CLDN16: variants seen among roughly 807,000 people sequenced by gnomAD.
The protein encoded by CLDN16 is claudin 16.
CLDN16 carries 13 observed loss-of-function variants against 24.6 expected under a neutral mutation model. That is an observed-to-expected ratio of 0.53 (90% confidence interval 0.34 to 0.84). The LOEUF is 0.84. Among genes scored for constraint, CLDN16 ranks in the 40% least tolerant of loss-of-function variants. CLDN16 has a pLI of 0.01. For missense variants in CLDN16, 298 were observed against 292.7 expected (o/e 1.02, Z -0.13); for synonymous variants, 116 against 106.7 (o/e 1.09, Z -0.54).
chr3:190,370,808 T>C (rs1409536916), intron 1 of CLDN16: 2 of 151,734 alleles, frequency 1.3e-5, no homozygotes, highest in Admixed American at 6.6e-5. Flanking sequence ...CAGCTGCCAG[T>C]GTGGCCAGAA....
At chr3:190,344,936 G>A (rs1201091194) in intron 1 of CLDN16, among the ~76,000 whole-genome samples, 3 of 151,892 alleles carry the variant, frequency 2.0e-5, no homozygotes. Context: ...TTACCCAGAA[G>A]TGTAAATAAA....
intron 1 of CLDN16, among the ~76,000 whole-genome samples, chr3:190,367,740 GT>G (rs377113320): frequency 4.0e-4 from 61 of 152,018 alleles, no homozygotes; most frequent in African/African-American, 1.4e-3. Context: ...AGTAGAATAT[GT>G]TTTATGCACT....
At chr3:190,351,530 C>A (rs1041199496) in intron 1 of CLDN16, among the ~76,000 whole-genome samples, 1 of 152,122 alleles carries the variant, frequency 6.6e-6, no homozygotes, top group Non-Finnish European at 1.5e-5. Context: ...AATATTTAAA[C>A]AAACCAGTGA....
chr3:190,333,573 TC>T (rs1717231557), intron 1 of CLDN16, among the ~76,000 whole-genome samples: 1 of 73,246 alleles, frequency 1.4e-5, no homozygotes, highest in African/African-American at 5.7e-5. Flanking sequence ...TATCTATCTA[TC>T]TATCTATCAA....
rs1475190779 is a variant in CLDN16 at position 190,363,594 on chromosome 3, A to T, written n.122-7299A>T. Among the ~76,000 whole-genome samples, 6 of 133,204 alleles carry T rather than the reference A, an allele frequency of 4.5e-5. 1 individual carries two copies. The South Asian group carries it at 6.9e-4, about 15-fold the overall frequency. 87.4% of individuals were successfully genotyped at this position (133,204 alleles called of 152,430 possible). On this transcript the variant is annotated intron_variant and non_coding_transcript_variant, in intron 1 of 4. Transcript: ENST00000468220. ...TATATATATATATATATATATATAT[A>T]TATTTTCTTTCTCCTGTCTGGCAAT...
chr3:190,380,269 C>CCTTCCTTCCTTCCTTT (rs1718342807), intron 3 of CLDN16, among the ~76,000 whole-genome samples: 5 of 84,852 alleles, frequency 5.9e-5, no homozygotes, highest in East Asian at 4.1e-4. Context: ...TTCCTTCCTT[C>CCTTCCTTCCTTCCTTT]CTTCTGTTTT....
the CLDN16 span, among the ~76,000 whole-genome samples, chr3:190,311,768 A>C: frequency 6.6e-6 from 1 of 151,238 alleles, no homozygotes; most frequent in Non-Finnish European, 1.5e-5. Flanking sequence ...ATACACACAG[A>C]GAGATTGCAT....
At chr3:190,357,820 C>T (rs1026734805) in intron 1 of CLDN16, among the ~76,000 whole-genome samples, 15 of 151,906 alleles carry the variant, frequency 9.9e-5, no homozygotes, top group Non-Finnish European at 1.6e-4. Flanking sequence ...GGGTCTGTAT[C>T]GGTTACATTT....
intron 1 of CLDN16, among the ~76,000 whole-genome samples, chr3:190,390,444 G>C (rs1048035671): frequency 1.3e-5 from 2 of 152,280 alleles, no homozygotes; most frequent in East Asian, 3.9e-4. Context: ...TGAGGCAGGA[G>C]AATCGCTTGA....
intron 1 of CLDN16, among the ~76,000 whole-genome samples, chr3:190,323,068 C>T (rs140263704): frequency 1.2e-4 from 18 of 151,080 alleles, no homozygotes; most frequent in African/African-American, 4.4e-4. Context: ...ACTTGGCTCC[C>T]CTCCCAATCT....
chr3:190,371,890 A>G (rs1203300216), intron 2 of CLDN16, among the ~76,000 whole-genome samples: 1 of 151,928 alleles, frequency 6.6e-6, no homozygotes, highest in Non-Finnish European at 1.5e-5. Context: ...AAGCCCACAT[A>G]TCTGCTGTCC....
intron 3 of CLDN16, among the ~76,000 whole-genome samples, chr3:190,376,214 T>C (rs7630607): frequency 0.56 from 84,928 of 151,594 alleles, 24,110 homozygotes; most frequent in African/African-American, 0.64. Flanking sequence ...AGACTTTCCC[T>C]AGCATTTGTG....
rs760754693 is a variant in CLDN16 at position 190,388,282 on chromosome 3, AGGG to A, written c.-47_-45del. The stretch of plus-strand genomic sequence containing the variant: ...TGACACCCGCCACTTAAGTGGGGCC[AGGG>A]CTGGTGTCTGCCCATGTTGCCATCC... On this transcript the variant is annotated 5_prime_UTR_variant, in exon 1 of 5. Transcript: ENST00000264734. The A allele has an allele frequency of 4.3e-6, 7 of 1,613,892 alleles. No individual in the cohort carries two copies. Among genetic ancestry groups the A allele is most frequent in the Non-Finnish European group, 5.1e-6 (6 of 1,179,896 alleles).
chr3:190,321,952 G>A, upstream of CLDN16: 1 of 1,587,124 alleles, frequency 6.3e-7, no homozygotes, highest in Non-Finnish European at 8.7e-7. Flanking sequence ...TGGGGCCTCT[G>A]GACGGCCGCT....
the CLDN16 span, chr3:190,310,151 A>G: frequency 6.2e-7 from 1 of 1,602,280 alleles, no homozygotes; most frequent in South Asian, 1.1e-5. Flanking sequence ...AAACTATTTT[A>G]CGCCTGAATA....
chr3:190,297,957 G>A, the CLDN16 span, among the ~76,000 whole-genome samples: 1 of 151,746 alleles, frequency 6.6e-6, no homozygotes, highest in South Asian at 2.1e-4. Flanking sequence ...TGGTTTTGAT[G>A]GACAGCAACG....
At chr3:190,392,505 G>C (rs1162394498) in intron 1 of CLDN16, among the ~76,000 whole-genome samples, 1 of 152,118 alleles carries the variant, frequency 6.6e-6, no homozygotes, top group African/African-American at 2.4e-5. Context: ...AGCCTCCCTA[G>C]GCTACTGCCA....
rs148868408 is a variant in CLDN16, at chr3:190,393,191, G to A, written c.114+4748G>A. Among the ~76,000 whole-genome samples, 1,168 of 152,276 alleles carry A rather than the reference G, an allele frequency of 7.7e-3. 7 individuals carry two copies. The highest frequency in any genetic ancestry group is 0.017 in the African/African-American group (724 of 41,534). ...GATCTGGGGCAATTGGAGGGGTGGT[G>A]ATGTTACTCACCAAGAGTTTAAATG... On this transcript the variant is annotated intron_variant, in intron 1 of 4. Coordinates refer to ENST00000264734, the MANE Select transcript of CLDN16 (RefSeq NM_006580.4).
At chr3:190,328,393 T>A (rs989448882) in intron 1 of CLDN16, among the ~76,000 whole-genome samples, 5 of 152,222 alleles carry the variant, frequency 3.3e-5, no homozygotes, top group Non-Finnish European at 7.3e-5. Context: ...AGTTAATTAA[T>A]CTTTCTATGC....
Sources: gnomAD v4.1 joint callset for allele counts (sites outside exome capture counted in the v4.1 genomes callset) on GRCh38, gnomAD v4.1.1 for gene constraint, MANE v1.5 for transcripts, NCBI Gene and HGNC (gene_info 2026-07-23, HGNC 2026-07-21) for gene names.